L3HYPDH: variants seen among roughly 807,000 people sequenced by gnomAD.
L3HYPDH encodes trans-L-3-hydroxyproline dehydratase.
A neutral mutation model predicts 26.5 loss-of-function variants in L3HYPDH; 32 were observed. The ratio of observed to expected loss-of-function variants is 1.21; its 90% CI spans 0.91 to 1.62. L3HYPDH has a LOEUF of 1.62. Among genes scored for constraint, L3HYPDH ranks in the 40% most tolerant of loss-of-function variants. L3HYPDH has a pLI of 0.00. For synonymous variants in L3HYPDH, 215 were observed against 196.6 expected (o/e 1.09, Z -0.78); for missense variants, 554 against 476.4 (o/e 1.16, Z -1.52).
intron 1 of L3HYPDH, among the ~76,000 whole-genome samples, chr14:59,480,720 G>T (rs1047684728): frequency 1.3e-5 from 2 of 150,398 alleles, no homozygotes; most frequent in Non-Finnish European, 3.0e-5. Flanking sequence ...AACCCATGAT[G>T]TGTTAAAACA....
chr14:59,478,868 T>C (rs887603991), intron 2 of L3HYPDH: 9 of 210,750 alleles, frequency 4.3e-5, no homozygotes, highest in African/African-American at 1.6e-4. Context: ...AGAATTGTCT[T>C]GGGCCACACA....
chr14:59,489,928 G>A, the L3HYPDH span, among the ~76,000 whole-genome samples: 11 of 151,692 alleles, frequency 7.3e-5, no homozygotes, highest in Non-Finnish European at 8.8e-5. Context: ...TTATCTTTTC[G>A]TTTTTATTTT....
chr14:59,489,095 C>T (rs1410965218), upstream of L3HYPDH, among the ~76,000 whole-genome samples: 2 of 152,264 alleles, frequency 1.3e-5, no homozygotes, highest in African/African-American at 4.8e-5. Context: ...AGTTGCTGTA[C>T]AGCCTGGTTG....
intron 2 of L3HYPDH, among the ~76,000 whole-genome samples, chr14:59,477,087 C>T (rs1889682049): frequency 6.6e-6 from 1 of 152,156 alleles, no homozygotes; most frequent in South Asian, 2.1e-4. Flanking sequence ...GTTAAAGCGG[C>T]CTGCAGATTG....
At chr14:59,482,164 C>T (rs757679568) in intron 1 of L3HYPDH, among the ~76,000 whole-genome samples, 4 of 152,168 alleles carry the variant, frequency 2.6e-5, no homozygotes, top group Non-Finnish European at 5.9e-5. Context: ...GAGGTGGGTA[C>T]TGTTGTCATC....
chr14:59,502,656 A>AAGAT, the L3HYPDH span, among the ~76,000 whole-genome samples: 1 of 152,046 alleles, frequency 6.6e-6, no homozygotes, highest in Non-Finnish European at 1.5e-5. Context: ...ATAATTAAAG[A>AAGAT]AGATAGGAAA....
At chr14:59,480,048 T>A (rs1231880335) in intron 1 of L3HYPDH, among the ~76,000 whole-genome samples, 1 of 152,196 alleles carries the variant, frequency 6.6e-6, no homozygotes, top group Non-Finnish European at 1.5e-5. Context: ...GGGTGATGTT[T>A]ATTTCGCCCC....
At chr14:59,502,755 T>TGTTTTTTTGTTTTTGTTTTTG in the L3HYPDH span, among the ~76,000 whole-genome samples, 2,037 of 122,914 alleles carry the variant, frequency 0.017, 127 homozygotes, top group African/African-American at 0.058. Flanking sequence ...ATGAGATTTT[T>TGTTTTTTTGTTTTTGTTTTTG]TTTTTTTTTT....
downstream of L3HYPDH, among the ~76,000 whole-genome samples, chr14:59,470,313 G>C (rs893238510): frequency 1.1e-4 from 17 of 152,130 alleles, no homozygotes; most frequent in African/African-American, 2.9e-4. Context: ...GCCCCACCCC[G>C]TGTCTGATGA....
chr14:59,491,908 C>T, the L3HYPDH span, among the ~76,000 whole-genome samples: 1 of 152,192 alleles, frequency 6.6e-6, no homozygotes, highest in East Asian at 1.9e-4. Flanking sequence ...TAGTAGTGGC[C>T]ATGGCTGCTG....
intron 4 of L3HYPDH, among the ~76,000 whole-genome samples, chr14:59,474,092 C>CT (rs1449908168): frequency 6.6e-6 from 1 of 152,086 alleles, no homozygotes; most frequent in Non-Finnish European, 1.5e-5. Flanking sequence ...GGGTATAATA[C>CT]TTTATCTTTT....
intron 1 of L3HYPDH, among the ~76,000 whole-genome samples, chr14:59,467,192 A>G (rs1889212879): frequency 6.6e-6 from 1 of 152,190 alleles, no homozygotes; most frequent in African/African-American, 2.4e-5. Context: ...ACTTTGTACA[A>G]GAGGTGACAT....
chr14:59,467,597 C>G (rs1889226267), intron 1 of L3HYPDH, among the ~76,000 whole-genome samples: 1 of 152,094 alleles, frequency 6.6e-6, no homozygotes, highest in South Asian at 2.1e-4. Flanking sequence ...CTGGACTCCC[C>G]CCTCGGCCCC....
intron 1 of L3HYPDH, among the ~76,000 whole-genome samples, chr14:59,480,705 CTT>C (rs1429166860): frequency 6.6e-6 from 1 of 151,866 alleles, no homozygotes; most frequent in East Asian, 1.9e-4. Context: ...CACAGAAGCC[CTT>C]TTAACCCATG....
chr14:59,490,485 T>G, the L3HYPDH span, among the ~76,000 whole-genome samples: 3 of 152,206 alleles, frequency 2.0e-5, no homozygotes, highest in Non-Finnish European at 4.4e-5. Flanking sequence ...ATGTATATTT[T>G]AGGAAGAAAA....
chr14:59,505,228 G>A, the L3HYPDH span: 1 of 1,409,648 alleles, frequency 7.1e-7, no homozygotes, highest in Non-Finnish European at 9.5e-7. Flanking sequence ...CACAGCAGTT[G>A]TATCCTTGAG....
At chr14:59,502,557 A>G in the L3HYPDH span, among the ~76,000 whole-genome samples, 1 of 152,186 alleles carries the variant, frequency 6.6e-6, no homozygotes, top group Non-Finnish European at 1.5e-5. Flanking sequence ...GGAACTAGAC[A>G]GAATATTTTT....
intron 2 of L3HYPDH, among the ~76,000 whole-genome samples, chr14:59,478,306 G>A (rs1889776003): frequency 6.6e-6 from 1 of 152,154 alleles, no homozygotes; most frequent in Non-Finnish European, 1.5e-5. Flanking sequence ...GCTCACACCT[G>A]TAATCCCAAC....
upstream of L3HYPDH, chr14:59,484,866 G>A: frequency 8.4e-7 from 1 of 1,195,992 alleles, no homozygotes; most frequent in Non-Finnish European, 1.1e-6. Context: ...TTAGTTTAAT[G>A]TCGAGGGAAC....
Sources: allele counts gnomAD v4.1 joint callset (sites outside exome capture counted in the v4.1 genomes callset), GRCh38; gene constraint gnomAD v4.1.1; transcripts MANE v1.5; gene names NCBI Gene and HGNC (gene_info 2026-07-23, HGNC 2026-07-21).